The following NME7 variants were observed in gnomAD, a reference collection of about 807,000 sequenced individuals.
The protein encoded by NME7 is NME/NM23 family member 7.
A neutral mutation model predicts 49.1 loss-of-function variants in NME7; 41 were observed. The observed-to-expected ratio is 0.83, with a 90% CI of 0.65 to 1.08. NME7 has a LOEUF of 1.08. NME7 is among the 50% of genes least tolerant of loss of function. NME7 has a pLI of 0.00. For missense variants in NME7, 423 were observed against 463.4 expected, an observed-to-expected ratio of 0.91 and a Z score of 0.80; for synonymous variants, 139 against 150.6, an observed-to-expected ratio of 0.92 and a Z score of 0.56.
At chr1:169,137,569 G>A (rs1658468356) in intron 11 of NME7, among the ~76,000 whole-genome samples, 1 of 152,178 alleles carries the variant, frequency 6.6e-6, no homozygotes, top group African/African-American at 2.4e-5. Flanking sequence ...CTTGGGCAGG[G>A]GTGAGGAGGG....
chr1:169,295,508 C>T (rs1650674727), intron 6 of NME7, among the ~76,000 whole-genome samples: 1 of 152,034 alleles, frequency 6.6e-6, no homozygotes, highest in South Asian at 2.1e-4. Flanking sequence ...TTTAACTATA[C>T]AAAACAATAC....
intron 3 of NME7, among the ~76,000 whole-genome samples, chr1:169,316,693 T>A (rs1651641677): frequency 6.6e-6 from 1 of 152,102 alleles, no homozygotes; most frequent in Admixed American, 6.6e-5. Context: ...ATTGGTGGCT[T>A]TGAAGATGGA....
intron 7 of NME7, chr1:169,287,001 A>G: frequency 3.7e-6 from 1 of 267,152 alleles, no homozygotes; most frequent in Non-Finnish European, 6.9e-6. Context: ...GTGAATCACA[A>G]TTTGTGATTA....
In NME7 at chr1:169,358,117, T is replaced by C. The variant is rs576464659; in HGVS notation, c.3+9591A>G. ...AGTAAATTTTTCAATAGCCACAAAA[T>C]TGCATAACACCATTAACCTCAAATA... On this transcript the variant is annotated intron_variant, in intron 1 of 11. Coordinates refer to ENST00000367811, the MANE Select transcript of NME7 (RefSeq NM_013330.5). 1.7e-3 allele frequency among the ~76,000 whole-genome samples: 256 copies of C among 152,198 alleles called. 2 individuals carry two copies. The highest frequency in any genetic ancestry group is 5.9e-3 in the African/African-American group (246 of 41,570).
At chr1:169,247,993 A>C (rs1364223035) in intron 7 of NME7, among the ~76,000 whole-genome samples, 1 of 152,168 alleles carries the variant, frequency 6.6e-6, no homozygotes, top group Non-Finnish European at 1.5e-5. Flanking sequence ...CTTTGGGTAG[A>C]TACTGAGTAG....
At chr1:169,294,492 T>C (rs1167737836) in intron 6 of NME7, among the ~76,000 whole-genome samples, 1 of 152,116 alleles carries the variant, frequency 6.6e-6, no homozygotes, top group Non-Finnish European at 1.5e-5. Flanking sequence ...AATTAGACAA[T>C]AACTAATAGG....
At chr1:169,225,889 T>C (rs1304375226) in intron 10 of NME7, among the ~76,000 whole-genome samples, 1 of 152,252 alleles carries the variant, frequency 6.6e-6, no homozygotes, top group Non-Finnish European at 1.5e-5. Context: ...GATTTAATGG[T>C]CACTGTTAGG....
chr1:169,166,947 G>A (rs1659431017), intron 11 of NME7, among the ~76,000 whole-genome samples: 1 of 152,176 alleles, frequency 6.6e-6, no homozygotes, highest in South Asian at 2.1e-4. Context: ...ACTACAGCCT[G>A]GGCGACAGAG....
At chr1:169,252,482 T>C (rs1352801416) in intron 7 of NME7, among the ~76,000 whole-genome samples, 1 of 152,076 alleles carries the variant, frequency 6.6e-6, no homozygotes, top group South Asian at 2.1e-4. Flanking sequence ...GAAGAGTAGG[T>C]TGCGAAAATT....
chr1:169,281,250 C>T (rs891786362), intron 7 of NME7, among the ~76,000 whole-genome samples: 1 of 151,968 alleles, frequency 6.6e-6, no homozygotes. Context: ...CAATTTGGCT[C>T]TCTGTCCATT....
At chr1:169,240,350 T>C (rs1413506042) in intron 7 of NME7, among the ~76,000 whole-genome samples, 1 of 152,012 alleles carries the variant, frequency 6.6e-6, no homozygotes, top group African/African-American at 2.4e-5. Flanking sequence ...TAATGTCTCA[T>C]TTAATAAAAG....
intron 7 of NME7, among the ~76,000 whole-genome samples, chr1:169,244,690 C>CA (rs1370411427): frequency 6.0e-5 from 9 of 150,218 alleles, no homozygotes. Flanking sequence ...TAGTATTCTT[C>CA]AAAATTCTAA....
At chr1:169,279,117 G>A (rs1408496811) in intron 7 of NME7, among the ~76,000 whole-genome samples, 4 of 152,208 alleles carry the variant, frequency 2.6e-5, no homozygotes, top group African/African-American at 9.6e-5. Context: ...CTCCCAGTTA[G>A]GCTGCTTGGG....
At chr1:169,345,071 T>C (rs2101968104) in intron 1 of NME7, among the ~76,000 whole-genome samples, 1 of 152,298 alleles carries the variant, frequency 6.6e-6, no homozygotes, top group East Asian at 1.9e-4. Context: ...GTTATGTCTT[T>C]CAATGATTTT....
Position 169,140,908 on chromosome 1 carries a change from T to C in NME7, c.1099-8091A>G, listed in dbSNP as rs1290374912. 8.5e-5 allele frequency among the ~76,000 whole-genome samples: 13 copies of C among 152,164 alleles called. No homozygotes were observed. In the East Asian group the frequency reaches 2.5e-3, roughly 29 times the overall value. ...GATTCATTAGGTCTTGGGTAGGTCC[T>C]AGACGTCCACATTTTCAAAGAGCTT... On this transcript the variant is annotated intron_variant, in intron 11 of 11. Transcript: ENST00000367811.
chr1:169,322,898 A>C (rs1651907011), intron 3 of NME7, among the ~76,000 whole-genome samples: 1 of 152,182 alleles, frequency 6.6e-6, no homozygotes, highest in Non-Finnish European at 1.5e-5. Flanking sequence ...AGATGTGCTA[A>C]GTGCCACAGG....
At chr1:169,253,709 T>C (rs1178286072) in intron 7 of NME7, among the ~76,000 whole-genome samples, 7 of 152,324 alleles carry the variant, frequency 4.6e-5, no homozygotes, top group Middle Eastern at 6.8e-3. Flanking sequence ...TTGTCATAGA[T>C]AGCTCTTATT....
chr1:169,343,617 G>A (rs537766829), intron 1 of NME7, among the ~76,000 whole-genome samples: 18 of 151,374 alleles, frequency 1.2e-4, no homozygotes, highest in Middle Eastern at 3.4e-3. Flanking sequence ...TCAGCTTCCC[G>A]AGTAGCTGGG....
chr1:169,184,145 A>AG (rs1660006263), intron 10 of NME7, among the ~76,000 whole-genome samples: 1 of 151,216 alleles, frequency 6.6e-6, no homozygotes, highest in African/African-American at 2.4e-5. Flanking sequence ...ATTGTTTTTA[A>AG]AAAAAAAAAC....
Sources: allele counts gnomAD v4.1 joint callset (sites outside exome capture counted in the v4.1 genomes callset), GRCh38; gene constraint gnomAD v4.1.1; transcripts MANE v1.5; gene names NCBI Gene and HGNC (gene_info 2026-07-23, HGNC 2026-07-21).